GRM5: variants seen among roughly 807,000 people sequenced by gnomAD.
GRM5 encodes the protein metabotropic glutamate receptor 5.
Under a neutral mutation model 83.1 loss-of-function variants are expected in GRM5, and 19 were observed. The ratio of observed to expected loss-of-function variants is 0.23; its 90% CI spans 0.16 to 0.34. The LOEUF is 0.34. Ranked by LOEUF, GRM5 falls within the 10% of genes least tolerant of loss-of-function variation. The pLI is 1.00. For missense variants in GRM5, 1,160 were observed against 1,588.3 expected (o/e 0.73, Z 4.58); for synonymous variants, 675 against 633.6 (o/e 1.07, Z -0.98).
In GRM5 at chr11:89,047,795, C is replaced by T. The variant is rs762148877; in HGVS notation, c.78G>A (p.Arg26=). The T allele has an allele frequency of 1.2e-6, 2 of 1,613,708 alleles. No individual in the cohort carries two copies. The highest frequency in any genetic ancestry group is 2.2e-5 in the East Asian group (1 of 44,876). ...TGTCACCCGGCATGTGAGCCACCAC[C>T]CTCCTCTCACTGGACTGTGCACTCC... ...VRGSAQSSER[R]VVAHMPGDII... is the part of the protein sequence containing the mutation. The change falls in exon 2 of 10, where the codon AGG becomes AGA. Residue 26 remains arginine, a synonymous_variant. Coordinates refer to ENST00000305447, the MANE Select transcript of GRM5 (RefSeq NM_001143831.3). The surrounding 1 kb of genome is among the most constrained non-coding windows in gnomAD (Gnocchi z 5.1).
intron 3 of GRM5, among the ~76,000 whole-genome samples, chr11:88,766,202 AC>A (rs1317191862): frequency 6.6e-6 from 1 of 151,914 alleles, no homozygotes. Flanking sequence ...ACTAGATAAA[AC>A]TATTTTATAA....
intron 1 of GRM5, among the ~76,000 whole-genome samples, chr11:89,064,018 G>A (rs1942051692): frequency 6.6e-6 from 1 of 152,188 alleles, no homozygotes; most frequent in Non-Finnish European, 1.5e-5. Context: ...GGTGGAAGGA[G>A]TGTCAAGGAC....
intron 2 of GRM5, among the ~76,000 whole-genome samples, chr11:88,863,384 GA>G (rs1427313227): frequency 8.3e-6 from 1 of 119,784 alleles, no homozygotes. Context: ...TGATAGACCA[GA>G]TTTAAAAAAA....
rs193129908 is a variant in GRM5, at chr11:88,960,453, C to A, written c.661+86759G>T. On this transcript the variant is annotated intron_variant, in intron 2 of 9. Coordinates refer to ENST00000305447, the MANE Select transcript of GRM5 (RefSeq NM_001143831.3). ...TCTTCAGATTGACTTTCTAAACCAC[C>A]TTTGGGCAAAGACAAATATTTCCTA... Among the ~76,000 whole-genome samples, 86 of 152,248 alleles carry A rather than the reference C, an allele frequency of 5.6e-4. 1 individual carries two copies. Among genetic ancestry groups the A allele is most frequent in the African/African-American group, 1.9e-3 (80 of 41,558 alleles).
intron 2 of GRM5, among the ~76,000 whole-genome samples, chr11:88,854,206 CAT>C (rs1262713188): frequency 6.6e-6 from 1 of 151,580 alleles, no homozygotes; most frequent in Non-Finnish European, 1.5e-5. Context: ...ATAACTAACA[CAT>C]GTTGAATAAA....
At chr11:88,670,147 G>T (rs188753550) in intron 3 of GRM5, among the ~76,000 whole-genome samples, 51 of 151,876 alleles carry the variant, frequency 3.4e-4, no homozygotes, top group Admixed American at 2.0e-3. Flanking sequence ...AAAGAAGTAG[G>T]AAAAAATGTT....
chr11:88,872,582 A>G (rs1944788329), intron 2 of GRM5, among the ~76,000 whole-genome samples: 1 of 151,510 alleles, frequency 6.6e-6, no homozygotes, highest in African/African-American at 2.4e-5. Flanking sequence ...GATGAAAAAT[A>G]TATTTCACAC....
intron 3 of GRM5, among the ~76,000 whole-genome samples, chr11:88,668,857 C>A (rs1250229551): frequency 6.6e-6 from 1 of 152,104 alleles, no homozygotes; most frequent in South Asian, 2.1e-4. Context: ...ATGCTTTTAT[C>A]AAGTTGACTG....
intron 2 of GRM5, among the ~76,000 whole-genome samples, chr11:89,002,048 A>G (rs1422494510): frequency 6.6e-6 from 1 of 152,180 alleles, no homozygotes. Context: ...GTTGATAACA[A>G]CATTTTAAAA....
chr11:88,823,830 C>G (rs562258268), intron 3 of GRM5, among the ~76,000 whole-genome samples: 1 of 152,236 alleles, frequency 6.6e-6, no homozygotes, highest in South Asian at 2.1e-4. Flanking sequence ...ACCTTCAATC[C>G]AGAGATCCTC....
At chr11:88,876,736 C>A (rs1944859625) in intron 2 of GRM5, among the ~76,000 whole-genome samples, 1 of 152,016 alleles carries the variant, frequency 6.6e-6, no homozygotes, top group Non-Finnish European at 1.5e-5. Context: ...AGGAGCAGGA[C>A]ACAAAAGGGA....
intron 2 of GRM5, among the ~76,000 whole-genome samples, chr11:88,860,943 C>T (rs1161720636): frequency 1.3e-5 from 2 of 151,926 alleles, no homozygotes; most frequent in Non-Finnish European, 2.9e-5. Context: ...CAGTGTAAAC[C>T]ACAAAATACA....
intron 2 of GRM5, among the ~76,000 whole-genome samples, chr11:88,967,125 A>T (rs1282182420): frequency 6.6e-6 from 1 of 151,942 alleles, no homozygotes; most frequent in African/African-American, 2.4e-5. Flanking sequence ...ACAGTGACAG[A>T]CAATCCAAGA....
intron 2 of GRM5, among the ~76,000 whole-genome samples, chr11:88,966,645 T>C (rs1269140654): frequency 6.6e-6 from 1 of 152,146 alleles, no homozygotes; most frequent in Non-Finnish European, 1.5e-5. Flanking sequence ...GGGTATGTTA[T>C]AGGCCACTGG....
intron 3 of GRM5, among the ~76,000 whole-genome samples, chr11:88,802,004 G>T (rs1293538945): frequency 6.6e-6 from 1 of 152,086 alleles, no homozygotes; most frequent in Non-Finnish European, 1.5e-5. Context: ...GCACCAAGCA[G>T]AAACAAGCGT....
chr11:89,040,204 C>A (rs11824298), intron 2 of GRM5, among the ~76,000 whole-genome samples: 4,562 of 151,896 alleles, frequency 0.03, 219 homozygotes, highest in African/African-American at 0.1. Flanking sequence ...ATCCTTAGTT[C>A]TCATGTCAGT....
At position 88,849,992 on chromosome 11, in the gene GRM5, G is replaced by C. The variant is rs772975671; in HGVS notation, c.825C>G (p.Ala275=). 1.2e-6 allele frequency: 2 copies of C among 1,613,968 alleles called. No homozygotes were observed. Among genetic ancestry groups the C allele is most frequent in the South Asian group, 2.2e-5 (2 of 91,090 alleles). ...TSHLPKARVV[A]CFCEGMTVRG... Reference sequence around the variant, plus strand: ...TCACCGTCATGCCCTCACAGAAGCAGGCCACCACCCGGGCCTTGGGCAAGT... The same window carrying C: ...TCACCGTCATGCCCTCACAGAAGCACGCCACCACCCGGGCCTTGGGCAAGT... The change falls in exon 3 of 10, where the codon GCC becomes GCG. Residue 275 remains alanine, a synonymous_variant. Transcript: ENST00000305447.
intron 3 of GRM5, among the ~76,000 whole-genome samples, chr11:88,796,138 A>G (rs1405254116): frequency 6.6e-6 from 1 of 152,154 alleles, no homozygotes; most frequent in Non-Finnish European, 1.5e-5. Context: ...AATTTAAAAT[A>G]AGTAGTGGGA....
chr11:88,533,544 TC>T (rs1221466572), intron 8 of GRM5, among the ~76,000 whole-genome samples: 2 of 152,094 alleles, frequency 1.3e-5, no homozygotes, highest in Admixed American at 6.6e-5. Flanking sequence ...TTCTCTGTTT[TC>T]CCCCAGTGGA....
Sources: gnomAD v4.1 joint callset for allele counts (sites outside exome capture counted in the v4.1 genomes callset) on GRCh38, gnomAD v4.1.1 for gene constraint, Gnocchi (gnomAD v3.1) non-coding constraint, MANE v1.5 for transcripts, NCBI Gene and HGNC (gene_info 2026-07-23, HGNC 2026-07-21) for gene names.